The following DLG2 variants were observed in gnomAD, a reference collection of about 807,000 sequenced individuals.
DLG2 encodes the protein discs large MAGUK scaffold protein 2.
In DLG2, 45 loss-of-function variants were observed where a neutral mutation model predicts 132.5. The observed-to-expected ratio is 0.34, with a 90% CI of 0.27 to 0.44. The LOEUF is 0.44. Among genes scored for constraint, DLG2 ranks in the 20% least tolerant of loss-of-function variants. The pLI, the probability that DLG2 is intolerant of heterozygous loss-of-function variation, is 1.00. For synonymous variants in DLG2, 424 were observed against 419.6 expected, an observed-to-expected ratio of 1.01 and a Z score of -0.13; for missense variants, 1,045 against 1,196.9, an observed-to-expected ratio of 0.87 and a Z score of 1.87.
At chr11:85,396,501 AC>A (rs1565429437) in intron 3 of DLG2, among the ~76,000 whole-genome samples, 1 of 152,186 alleles carries the variant, frequency 6.6e-6, no homozygotes, top group South Asian at 2.1e-4. Context: ...GCATGTTCTA[AC>A]CCATCAGAAG....
chr11:85,580,923 C>T (rs984535571), intron 3 of DLG2, among the ~76,000 whole-genome samples: 6 of 152,190 alleles, frequency 3.9e-5, no homozygotes, highest in African/African-American at 1.4e-4. Context: ...GATTATGTTT[C>T]TTCCATTATC....
chr11:83,678,546 T>C (rs536659013), intron 18 of DLG2, among the ~76,000 whole-genome samples: 44 of 152,248 alleles, frequency 2.9e-4, no homozygotes, highest in African/African-American at 1.0e-3. Context: ...CTCATGCAAA[T>C]AGAAGGCTCT....
chr11:84,373,255 A>AAAAAAAT (rs1567448426), intron 7 of DLG2, among the ~76,000 whole-genome samples: 2 of 83,216 alleles, frequency 2.4e-5, no homozygotes, highest in East Asian at 5.7e-4. Context: ...CAGTCAAAAA[A>AAAAAAAT]AAAAAAAAAC....
At chr11:85,471,429 G>A (rs1451527551) in intron 3 of DLG2, among the ~76,000 whole-genome samples, 1 of 152,048 alleles carries the variant, frequency 6.6e-6, no homozygotes, top group South Asian at 2.1e-4. Context: ...GGAACAATCT[G>A]AAAAGGACTA....
intron 7 of DLG2, among the ~76,000 whole-genome samples, chr11:84,272,915 G>A (rs1199330932): frequency 6.6e-6 from 1 of 152,010 alleles, no homozygotes; most frequent in Non-Finnish European, 1.5e-5. Context: ...GTCTTCAGTG[G>A]GATGAGTTTG....
chr11:85,247,230 G>A (rs567742495), intron 4 of DLG2, among the ~76,000 whole-genome samples: 26 of 152,166 alleles, frequency 1.7e-4, no homozygotes, highest in African/African-American at 6.3e-4. Flanking sequence ...AGGGGAGATA[G>A]TAAAGAAAAA....
chr11:84,751,613 G>C (rs751656206), intron 6 of DLG2, among the ~76,000 whole-genome samples: 2 of 152,016 alleles, frequency 1.3e-5, no homozygotes, highest in Non-Finnish European at 2.9e-5. Flanking sequence ...AATCGGCTGT[G>C]GTTAACATGC....
chr11:85,413,210 T>C (rs2089505522), intron 3 of DLG2, among the ~76,000 whole-genome samples: 1 of 152,050 alleles, frequency 6.6e-6, no homozygotes, highest in Non-Finnish European at 1.5e-5. Flanking sequence ...GTATATCTTC[T>C]TTTGAGAACT....
chr11:84,863,631 C>T (rs1006378828), intron 6 of DLG2, among the ~76,000 whole-genome samples: 1 of 152,126 alleles, frequency 6.6e-6, no homozygotes, highest in African/African-American at 2.4e-5. Flanking sequence ...AGGCAACATC[C>T]TAGCACCAAA....
intron 3 of DLG2, among the ~76,000 whole-genome samples, chr11:85,355,970 G>A (rs965659623): frequency 2.0e-5 from 3 of 152,150 alleles, no homozygotes; most frequent in Non-Finnish European, 2.9e-5. Context: ...GATCCATCTT[G>A]CACAGATCAC....
intron 17 of DLG2, among the ~76,000 whole-genome samples, chr11:83,828,389 T>C: frequency 6.6e-6 from 1 of 152,098 alleles, no homozygotes. Context: ...CCAGACTCCG[T>C]CACAAATAAT....
chr11:84,371,177 T>A (rs1362365247), intron 7 of DLG2, among the ~76,000 whole-genome samples: 3 of 152,142 alleles, frequency 2.0e-5, no homozygotes, highest in African/African-American at 7.2e-5. Flanking sequence ...ATGGCACTAT[T>A]TCACTATTTA....
chr11:85,381,782 T>C (rs958439052), intron 3 of DLG2, among the ~76,000 whole-genome samples: 6 of 152,026 alleles, frequency 3.9e-5, no homozygotes, highest in African/African-American at 1.4e-4. Context: ...ATTAATAAGT[T>C]TAACAAAGGA....
At chr11:84,410,315 G>C (rs2098893117) in intron 7 of DLG2, among the ~76,000 whole-genome samples, 1 of 152,080 alleles carries the variant, frequency 6.6e-6, no homozygotes, top group Non-Finnish European at 1.5e-5. Flanking sequence ...ACACTGTCAA[G>C]CTGATGGCTT....
At chr11:85,547,005 T>G (rs1334521579) in intron 3 of DLG2, among the ~76,000 whole-genome samples, 1 of 152,130 alleles carries the variant, frequency 6.6e-6, no homozygotes, top group Non-Finnish European at 1.5e-5. Flanking sequence ...CCATTTACAT[T>G]TAAGGTTAAT....
intron 6 of DLG2, among the ~76,000 whole-genome samples, chr11:85,044,652 G>A (rs968501928): frequency 6.6e-6 from 1 of 151,948 alleles, no homozygotes; most frequent in African/African-American, 2.4e-5. Context: ...GCCCAGGTCA[G>A]GGGCAGTTTT....
chr11:84,554,051 T>A (rs561017445), intron 6 of DLG2, among the ~76,000 whole-genome samples: 101 of 152,346 alleles, frequency 6.6e-4, no homozygotes, highest in African/African-American at 2.2e-3. Context: ...CAATTCTAAA[T>A]TGAATTCAAT....
intron 6 of DLG2, among the ~76,000 whole-genome samples, chr11:84,608,571 G>A (rs1236597633): frequency 2.0e-5 from 3 of 152,086 alleles, no homozygotes; most frequent in Non-Finnish European, 4.4e-5. Flanking sequence ...TTGGAAAGTT[G>A]GCAAGGCTGA....
At chr11:85,176,241 G>A (rs1039089402) in intron 4 of DLG2, among the ~76,000 whole-genome samples, 4 of 152,036 alleles carry the variant, frequency 2.6e-5, no homozygotes, top group African/African-American at 9.7e-5. Context: ...AACCAAAACA[G>A]CATGGTACCT....
Sources: gnomAD v4.1 joint callset for allele counts (sites outside exome capture counted in the v4.1 genomes callset) on GRCh38, gnomAD v4.1.1 for gene constraint, MANE v1.5 for transcripts, NCBI Gene and HGNC (gene_info 2026-07-23, HGNC 2026-07-21) for gene names.